DNM1: variants seen among roughly 807,000 people sequenced by gnomAD.
DNM1 encodes the protein dynamin-1.
A neutral mutation model predicts 104.6 loss-of-function variants in DNM1; 29 were observed. The observed-to-expected ratio is 0.28, with a 90% CI of 0.21 to 0.38. The LOEUF is 0.38. Among genes scored for constraint, DNM1 ranks in the 10% least tolerant of loss-of-function variants. The pLI is 1.00. For synonymous variants in DNM1, 445 were observed against 475.8 expected (o/e 0.94, Z 0.84); for missense variants, 640 against 1,189.4 (o/e 0.54, Z 6.79).
chr9:128,250,657 CG>C, intron 20 of DNM1, 67 bp from the exon 21 acceptor site: 1 of 1,288,200 alleles, frequency 7.8e-7, no homozygotes, highest in Non-Finnish European at 1.0e-6. Flanking sequence ...TGGGCTGGGG[CG>C]GGGCCTCTGG....
chr9:128,253,793 A>C lies in DNM1; in HGVS notation c.2535-861A>C. On this transcript the variant is annotated intron_variant, in intron 21 of 21. Transcript: ENST00000372923. This position sits in a 1 kb window ranked among gnomAD's most constrained non-coding sequence, Gnocchi z 5.9. ...CCTTCCCTCCCTCCCAGGTACCGTC[A>C]TAGCTGCTAGTGTGACTGAAGGCAG... The C allele has an allele frequency of 3.4e-5, 17 of 501,636 alleles. No individual in the cohort carries two copies. The highest frequency in any genetic ancestry group is 7.8e-5 in the East Asian group (2 of 25,596). The allele number at this position is 501,636 out of a possible 1,614,324, so 31.1% of individuals were successfully genotyped here.
chr9:128,224,477 T>A lies in DNM1; in HGVS notation c.1335+88T>A. The A allele has an allele frequency of 7.4e-7, 1 of 1,358,636 alleles. No homozygotes were observed. Among genetic ancestry groups the A allele is most frequent in the Non-Finnish European group, 1.0e-6 (1 of 984,138 alleles). The allele number at this position is 1,358,636 out of a possible 1,614,324, so 84.2% of individuals were successfully genotyped here. On this transcript the variant is annotated intron_variant, in intron 10 of 21. Transcript: ENST00000372923. The surrounding 1 kb of genome is among the most constrained non-coding windows in gnomAD (Gnocchi z 4.3). ...CTCCTTCCCCATGTCCCCCCCTGCC[T>A]CCTCGGTAGCATGTACAGACCTCAG...
chr9:128,249,834 GA>G (rs972745013), intron 19 of DNM1, among the ~76,000 whole-genome samples: 35 of 143,690 alleles, frequency 2.4e-4, no homozygotes, highest in African/African-American at 7.7e-4. Flanking sequence ...CCAGGAAGAA[GA>G]AAAAAAAAAA....
chr9:128,243,673 A>G lies in DNM1; in HGVS notation c.1671+1328A>G, dbSNP rs757869328. On this transcript the variant is annotated intron_variant, in intron 15 of 21. Transcript: ENST00000372923. This position sits in a 1 kb window ranked among gnomAD's most constrained non-coding sequence, Gnocchi z 4.0. ...CTCTGCAGGCTCCCTAGATGCCCCC[A>G]TGGGTTTGGGGTCTCCCATGTTGAG... Among the ~76,000 whole-genome samples the G allele has an allele frequency of 1.3e-5, 2 of 151,908 alleles. No homozygotes were observed. The highest frequency in any genetic ancestry group is 2.9e-5 in the Non-Finnish European group (2 of 67,958).
Position 128,218,169 on chromosome 9 carries a change from C to T in DNM1, c.162-62C>T. ...GGCTTTCCCAGGGGCCGGACAGGTACCCCTGGGACAGAGGGCGCCCCCTCA... is the reference window on the plus strand; with the variant it reads ...GGCTTTCCCAGGGGCCGGACAGGTATCCCTGGGACAGAGGGCGCCCCCTCA... On this transcript the variant is annotated intron_variant, in intron 1 of 21. Transcript: ENST00000372923. This position sits in a 1 kb window ranked among gnomAD's most constrained non-coding sequence, Gnocchi z 4.8. 4 of 1,523,880 alleles carry T rather than the reference C, an allele frequency of 2.6e-6. No homozygotes were observed. The highest frequency in any genetic ancestry group is 2.2e-5 in the South Asian group (2 of 89,264). The allele number at this position is 1,523,880 out of a possible 1,614,324, so 94.4% of individuals were successfully genotyped here.
chr9:128,254,559 GCGCGGCCGGCCCCGGCCGT>G lies in DNM1; in HGVS notation c.2535-94_2535-76del. On this transcript the variant is annotated intron_variant, in intron 21 of 21. Transcript: ENST00000372923. This position sits in a 1 kb window ranked among gnomAD's most constrained non-coding sequence, Gnocchi z 6.1. ...CCCCGGCCCTCCCACCACTGCTGCGGCGCGGCCGGCCCCGGCCGTGTGCTGCGCTTGCCTTACCAGCTCT... is the reference window on the plus strand; with the variant it reads ...CCCCGGCCCTCCCACCACTGCTGCGGGTGCTGCGCTTGCCTTACCAGCTCT... 1 of 1,583,022 alleles carries G rather than the reference GCGCGGCCGGCCCCGGCCGT, an allele frequency of 6.3e-7. No individual in the cohort carries two copies. The highest frequency in any genetic ancestry group is 8.5e-7 in the Non-Finnish European group (1 of 1,172,862).
At chr9:128,252,267 C>T (rs1829577080) in intron 21 of DNM1, 1 of 281,850 alleles carries the variant, frequency 3.5e-6, no homozygotes, top group Admixed American at 4.7e-5. Context: ...ATTTGGCACC[C>T]AGGTCTATGG....
At chr9:128,206,429 A>G (rs879457969) in intron 1 of DNM1, among the ~76,000 whole-genome samples, 1 of 152,158 alleles carries the variant, frequency 6.6e-6, no homozygotes, top group African/African-American at 2.4e-5. Flanking sequence ...TGGAGGGTGC[A>G]CGATGTCTCA....
intron 10 of DNM1, among the ~76,000 whole-genome samples, chr9:128,233,291 G>A (rs1242417341): frequency 6.6e-6 from 1 of 152,338 alleles, no homozygotes; most frequent in African/African-American, 2.4e-5. Flanking sequence ...CCGGGCAGGG[G>A]CATGCAAGGG....
intron 1 of DNM1, among the ~76,000 whole-genome samples, chr9:128,207,448 C>T (rs1157471390): frequency 1.3e-5 from 2 of 152,032 alleles, no homozygotes; most frequent in Non-Finnish European, 2.9e-5. Flanking sequence ...GCCAAAGGGG[C>T]CTCCTCGCTG....
In DNM1 at chr9:128,203,573, G is replaced by A; in HGVS notation, c.103G>A (p.Ala35Thr). 1.3e-6 allele frequency: 2 copies of A among 1,550,424 alleles called. No individual in the cohort carries two copies. ...CGCGGACCTCGACCTGCCGCAGATC[G>A]CTGTGGTGGGCGGCCAGAGCGCCGG... ...QNADLDLPQI[A>T]VVGGQSAGKS... Residue 35 changes from alanine to threonine, a missense_variant, in exon 1 of 22, where the codon GCT (alanine) becomes ACT (threonine). Ala to Thr is a moderately conservative substitution (Grantham distance 58, BLOSUM62 0). Transcript: ENST00000372923. The surrounding 1 kb of genome is among the most constrained non-coding windows in gnomAD (Gnocchi z 5.3).
intron 1 of DNM1, among the ~76,000 whole-genome samples, chr9:128,204,622 C>T (rs1833791821): frequency 6.6e-6 from 1 of 152,036 alleles, no homozygotes; most frequent in South Asian, 2.1e-4. Context: ...TTTTCTGGTG[C>T]TGAGGAGAGA....
rs1835411829 is a variant in DNM1, at chr9:128,227,377, T to G, written c.1335+2988T>G. Among the ~76,000 whole-genome samples the G allele has an allele frequency of 3.8e-4, 3 of 7,814 alleles. No individual in the cohort carries two copies. The Admixed American group carries it at 6.3e-3, about 16-fold the overall frequency. The allele number at this position is 7,814 out of a possible 152,430, so 5.1% of individuals were successfully genotyped here. A position where few individuals can be genotyped will look rare whatever the true frequency, so the allele number is the denominator to read the frequency against. ...CTACATAAAGATTGGTCTCATGCCT[T>G]TTTTTTTTTTTTTTTTTTTTTTTTG... On this transcript the variant is annotated intron_variant, in intron 10 of 21. Transcript: ENST00000372923.
intron 4 of DNM1, among the ~76,000 whole-genome samples, 189 bp downstream of exon 4, chr9:128,219,441 G>A (rs1217594882): frequency 6.6e-6 from 1 of 152,202 alleles, no homozygotes; most frequent in Non-Finnish European, 1.5e-5. Flanking sequence ...GGCCAAGCCG[G>A]GAGGATTGCT....
intron 1 of DNM1, among the ~76,000 whole-genome samples, chr9:128,213,025 A>C (rs1834394005): frequency 6.6e-6 from 1 of 152,222 alleles, no homozygotes; most frequent in African/African-American, 2.4e-5. Flanking sequence ...GGCTCCCATC[A>C]GGTGTTGGGA....
chr9:128,216,378 TC>T (rs1220345367), intron 1 of DNM1, among the ~76,000 whole-genome samples: 1 of 152,152 alleles, frequency 6.6e-6, no homozygotes, highest in Non-Finnish European at 1.5e-5. Flanking sequence ...CTCAGCTGCT[TC>T]CTCTGTAAAA....
intron 10 of DNM1, chr9:128,232,107 A>T (rs953199796): frequency 2.2e-6 from 1 of 451,558 alleles, no homozygotes. Flanking sequence ...AAAACTTGAG[A>T]CATGTGACAT....
chr9:128,224,245 G>C lies in DNM1; in HGVS notation c.1197-6G>C. The C allele has an allele frequency of 6.2e-7, 1 of 1,612,900 alleles. No individual in the cohort carries two copies. Among genetic ancestry groups the C allele is most frequent in the African/African-American group, 1.3e-5 (1 of 75,018 alleles). On this transcript the variant is annotated splice_region_variant and splice_polypyrimidine_tract_variant and intron_variant, in intron 9 of 21. Coordinates refer to ENST00000372923, the MANE Select transcript of DNM1 (RefSeq NM_004408.4). The surrounding 1 kb of genome is among the most constrained non-coding windows in gnomAD (Gnocchi z 4.3). ...ACTCTGCCCTTCTCCCGCTCCGGGC[G>C]TTCAGAACGGGGCTGTTTACCCCAG...
At position 128,242,247 on chromosome 9, in the gene DNM1, T is replaced by C; in HGVS notation, c.1573T>C (p.Trp525Arg). 1 of 1,609,056 alleles carries C rather than the reference T, an allele frequency of 6.2e-7. No individual in the cohort carries two copies. ...QDEILVIRKG[W>R]LTINNIGIMK... The stretch of plus-strand genomic sequence containing the variant: ...CACCCTCCAGGTCATCCGCAAGGGC[T>C]GGCTGACTATCAATAATATTGGCAT... The change falls in exon 15 of 22, where the codon TGG (tryptophan) becomes CGG (arginine). Residue 525 changes from tryptophan (W) to arginine (R), a missense_variant. Trp to Arg is a moderately radical substitution (Grantham distance 101). This residue lies in a region of DNM1 where 91 missense variants were observed against 256.3 expected (regional missense o/e 0.36). Transcript: ENST00000372923.
Sources: allele counts gnomAD v4.1 joint callset (sites outside exome capture counted in the v4.1 genomes callset), GRCh38; gene constraint gnomAD v4.1.1; regional missense constraint gnomAD v4.1.1; non-coding constraint Gnocchi (gnomAD v3.1); transcripts MANE v1.5; gene names NCBI Gene and HGNC (gene_info 2026-07-23, HGNC 2026-07-21).